Variants in EPHA6 observed in about 807,000 individuals in gnomAD.
The protein encoded by EPHA6 is EPH receptor A6, also known as ephrin type-A receptor 6.
Under a neutral mutation model 112.0 loss-of-function variants are expected in EPHA6, and 50 were observed. The ratio of observed to expected loss-of-function variants is 0.45; its 90% CI spans 0.36 to 0.56. The LOEUF (loss-of-function observed/expected upper bound fraction) is 0.56, where lower values mean the gene tolerates loss of function less well. Ranked by LOEUF, EPHA6 falls within the 20% of genes least tolerant of loss-of-function variation. The pLI is 0.00. For synonymous variants in EPHA6, 529 were observed against 490.7 expected (o/e 1.08, Z -1.03); for missense variants, 1,280 against 1,417.4 (o/e 0.90, Z 1.56).
At chr3:97,117,682 G>A (rs779971367) in intron 3 of EPHA6, among the ~76,000 whole-genome samples, 2 of 151,660 alleles carry the variant, frequency 1.3e-5, no homozygotes, top group Non-Finnish European at 3.0e-5. Flanking sequence ...CTATATGTCT[G>A]TTTTAATACT....
intron 5 of EPHA6, among the ~76,000 whole-genome samples, chr3:97,279,978 C>T (rs2108660209): frequency 6.6e-6 from 1 of 152,250 alleles, no homozygotes; most frequent in East Asian, 1.9e-4. Context: ...CTCTGCCTTC[C>T]AGTTTCAAGC....
intron 5 of EPHA6, among the ~76,000 whole-genome samples, chr3:97,396,637 G>A (rs2086711498): frequency 6.6e-6 from 1 of 151,392 alleles, no homozygotes; most frequent in African/African-American, 2.4e-5. Context: ...TTCTTTCGTA[G>A]CACTTTGATT....
intron 12 of EPHA6, among the ~76,000 whole-genome samples, chr3:97,596,906 G>GTGTATATATATATATATATATA (rs2093599405): frequency 1.1e-4 from 10 of 92,882 alleles, no homozygotes; most frequent in African/African-American, 6.3e-4. Flanking sequence ...ATATATATAT[G>GTGTATATATATATATATATATA]TATGTATATA....
At chr3:97,214,038 T>TGTGTGTGTGAGAGAGA (rs1491420279) in intron 3 of EPHA6, among the ~76,000 whole-genome samples, 127 of 77,816 alleles carry the variant, frequency 1.6e-3, no homozygotes, top group African/African-American at 3.1e-3. Flanking sequence ...TGTGTGTGTG[T>TGTGTGTGTGAGAGAGA]GAGAGAGAGA....
At chr3:96,935,230 C>T (rs920380722) in intron 2 of EPHA6, among the ~76,000 whole-genome samples, 2 of 151,698 alleles carry the variant, frequency 1.3e-5, no homozygotes, top group African/African-American at 2.4e-5. Flanking sequence ...GGTTAACTAC[C>T]TGAGGAATAG....
intron 5 of EPHA6, among the ~76,000 whole-genome samples, chr3:97,327,083 C>T (rs1240940414): frequency 1.3e-5 from 2 of 151,974 alleles, no homozygotes; most frequent in African/African-American, 4.8e-5. Flanking sequence ...AGCCTGAAAC[C>T]GGTAACCTTT....
chr3:96,858,768 C>T (rs2035843152), intron 1 of EPHA6, among the ~76,000 whole-genome samples: 1 of 152,046 alleles, frequency 6.6e-6, no homozygotes, highest in African/African-American at 2.4e-5. Flanking sequence ...AGGGTTTGGA[C>T]TGAGAGTGAG....
At chr3:97,195,094 C>T (rs557617264) in intron 3 of EPHA6, among the ~76,000 whole-genome samples, 9 of 151,994 alleles carry the variant, frequency 5.9e-5, no homozygotes, top group Middle Eastern at 3.4e-3. Context: ...TAAGTAAGGA[C>T]TTACTTCTGC....
At chr3:97,235,057 A>T (rs2078642004) in intron 4 of EPHA6, among the ~76,000 whole-genome samples, 1 of 152,140 alleles carries the variant, frequency 6.6e-6, no homozygotes, top group Non-Finnish European at 1.5e-5. Context: ...TTTGCTATTC[A>T]GAATCAAATA....
intron 5 of EPHA6, among the ~76,000 whole-genome samples, chr3:97,276,575 T>C (rs1227605995): frequency 1.3e-5 from 2 of 152,082 alleles, no homozygotes; most frequent in African/African-American, 2.4e-5. Context: ...CAACTTTTTT[T>C]CTATTATTGT....
intron 11 of EPHA6, among the ~76,000 whole-genome samples, chr3:97,552,963 G>T (rs1480838262): frequency 6.6e-6 from 1 of 152,036 alleles, no homozygotes; most frequent in Non-Finnish European, 1.5e-5. Flanking sequence ...ACATATTAAT[G>T]TCTACTTTGT....
At chr3:96,908,507 CTTA>C (rs1485327583) in intron 2 of EPHA6, among the ~76,000 whole-genome samples, 1 of 151,730 alleles carries the variant, frequency 6.6e-6, no homozygotes, top group Admixed American at 6.6e-5. Flanking sequence ...GCTTGGATAG[CTTA>C]TTATTAGTTC....
intron 14 of EPHA6, among the ~76,000 whole-genome samples, chr3:97,688,806 A>G (rs760123077): frequency 6.6e-6 from 1 of 152,100 alleles, no homozygotes; most frequent in Non-Finnish European, 1.5e-5. Context: ...TTAAAAACTA[A>G]CTTGTGCTTA....
intron 1 of EPHA6, among the ~76,000 whole-genome samples, chr3:96,841,007 A>G (rs2034711499): frequency 6.6e-6 from 1 of 152,080 alleles, no homozygotes; most frequent in South Asian, 2.1e-4. Flanking sequence ...GGTTGAGGAC[A>G]TGTGCCCGTG....
At chr3:97,456,563 G>A (rs1339023022) in intron 7 of EPHA6, among the ~76,000 whole-genome samples, 1 of 151,916 alleles carries the variant, frequency 6.6e-6, no homozygotes, top group South Asian at 2.1e-4. Context: ...TCAAACACAT[G>A]TATTTTATTA....
At chr3:97,617,743 A>T (rs1478912587) in intron 13 of EPHA6, among the ~76,000 whole-genome samples, 2 of 152,198 alleles carry the variant, frequency 1.3e-5, no homozygotes, top group African/African-American at 2.4e-5. Flanking sequence ...TATCCTAAAT[A>T]TATATGCACC....
At position 96,999,957 on chromosome 3, in the gene EPHA6, A is replaced by G. The variant is rs541391537; in HGVS notation, c.1114+11964A>G. ...ATTACCTACCCAAAAAGATTTTCCT[A>G]TTTCTTTTCCTTCCAGCTCTCAACC... On this transcript the variant is annotated intron_variant, in intron 3 of 17. Coordinates refer to ENST00000389672, the MANE Select transcript of EPHA6 (RefSeq NM_001080448.3). Among the ~76,000 whole-genome samples, 12 of 151,796 alleles carry G rather than the reference A, an allele frequency of 7.9e-5. No homozygotes were observed. In the South Asian group the frequency reaches 2.1e-3, roughly 26 times the overall value.
chr3:97,292,141 C>T (rs773290713), intron 5 of EPHA6, among the ~76,000 whole-genome samples: 4 of 152,226 alleles, frequency 2.6e-5, no homozygotes, highest in Admixed American at 6.5e-5. Context: ...AAGCGGCTTC[C>T]GCTGCGGGCA....
chr3:96,814,603 G>T lies in EPHA6; in HGVS notation c.-21G>T. The T allele has an allele frequency of 7.4e-7, 1 of 1,359,988 alleles. No individual in the cohort carries two copies. Among genetic ancestry groups the T allele is most frequent in the Non-Finnish European group, 9.5e-7 (1 of 1,051,274 alleles). 84.2% of individuals were successfully genotyped at this position (1,359,988 alleles called of 1,614,324 possible). On this transcript the variant is annotated 5_prime_UTR_variant, in exon 1 of 18. Transcript: ENST00000389672. Reference sequence around the variant, plus strand: ...TCCGGCCCAAGTGAATAGTCCTCGCGCAAGCGGGACACTGTGGTGGATGCA... The same window carrying T: ...TCCGGCCCAAGTGAATAGTCCTCGCTCAAGCGGGACACTGTGGTGGATGCA...
Sources: allele counts gnomAD v4.1 joint callset (sites outside exome capture counted in the v4.1 genomes callset), GRCh38; gene constraint gnomAD v4.1.1; transcripts MANE v1.5; gene names NCBI Gene and HGNC (gene_info 2026-07-23, HGNC 2026-07-21).